Variants in CFAP251 observed in about 807,000 individuals in gnomAD.
CFAP251 encodes the protein cilia- and flagella-associated protein 251.
Under a neutral mutation model 126.7 loss-of-function variants are expected in CFAP251, and 93 were observed. The ratio of observed to expected loss-of-function variants is 0.73; its 90% CI spans 0.62 to 0.87. The LOEUF (loss-of-function observed/expected upper bound fraction) is 0.87. Among genes scored for constraint, CFAP251 ranks in the 40% least tolerant of loss-of-function variants. The pLI is 0.00. For synonymous variants in CFAP251, 503 were observed against 506.9 expected (o/e 0.99, Z 0.10); for missense variants, 1,287 against 1,389.2 (o/e 0.93, Z 1.17).
chr12:121,955,599 A>C (rs897223401), intron 10 of CFAP251: 1 of 152,136 alleles, frequency 6.6e-6, no homozygotes, highest in South Asian at 2.1e-4. Context: ...GTGTGGAGAA[A>C]ATTGCCTAGT....
intron 5 of CFAP251, among the ~76,000 whole-genome samples, chr12:121,935,448 G>A (rs1354230856): frequency 6.6e-6 from 1 of 152,202 alleles, no homozygotes; most frequent in East Asian, 1.9e-4. Flanking sequence ...ATTATTAACA[G>A]ACATCCAGGA....
chr12:121,937,716 G>T (rs2135758356), intron 5 of CFAP251, among the ~76,000 whole-genome samples: 1 of 152,210 alleles, frequency 6.6e-6, no homozygotes, highest in East Asian at 1.9e-4. Flanking sequence ...TTCTAGAGTG[G>T]GGGACACAGG....
At chr12:121,967,413 T>C (rs1292572944) in intron 16 of CFAP251, among the ~76,000 whole-genome samples, 1 of 152,214 alleles carries the variant, frequency 6.6e-6, no homozygotes, top group Non-Finnish European at 1.5e-5. Flanking sequence ...TTGAAAAGTG[T>C]AAAGTCGGGC....
At chr12:121,942,017 A>T (rs1216125395) in intron 5 of CFAP251, among the ~76,000 whole-genome samples, 3 of 152,146 alleles carry the variant, frequency 2.0e-5, no homozygotes, top group Non-Finnish European at 4.4e-5. Flanking sequence ...CCTGGTACCT[A>T]GTGAATGAGA....
chr12:121,987,956 C>T (rs1044529079), intron 19 of CFAP251, among the ~76,000 whole-genome samples: 3 of 151,870 alleles, frequency 2.0e-5, no homozygotes, highest in African/African-American at 7.3e-5. Context: ...TGCTGCAGGA[C>T]GGGGAATTTC....
At chr12:121,956,210 A>C (rs1342107856) in intron 10 of CFAP251, among the ~76,000 whole-genome samples, 2 of 152,188 alleles carry the variant, frequency 1.3e-5, no homozygotes, top group Admixed American at 1.3e-4. Flanking sequence ...GCCTTCCTGT[A>C]AAGTGGCTAG....
At chr12:121,944,726 T>C (rs1257413774) in intron 7 of CFAP251, among the ~76,000 whole-genome samples, 1 of 152,216 alleles carries the variant, frequency 6.6e-6, no homozygotes, top group Non-Finnish European at 1.5e-5. Context: ...TGTGTGTTGA[T>C]TTTGTACCTT....
rs536885023 is a variant in CFAP251 at position 121,963,512 on chromosome 12, G to A, written c.2492+1350G>A. ...GCACGAGACGGGGAGGACACCAGCCGGGGAGCAGGGCGTCCGCTGCTGGGG... is the reference window on the plus strand; with the variant it reads ...GCACGAGACGGGGAGGACACCAGCCAGGGAGCAGGGCGTCCGCTGCTGGGG... On this transcript the variant is annotated intron_variant, in intron 15 of 21. Coordinates refer to ENST00000288912, the MANE Select transcript of CFAP251 (RefSeq NM_144668.6). 4.6e-5 allele frequency among the ~76,000 whole-genome samples: 7 copies of A among 151,394 alleles called. No homozygotes were observed. In the East Asian group the frequency reaches 5.9e-4, roughly 13 times the overall value.
Position 122,003,641 on chromosome 12 carries a change from G to T in CFAP251, c.3338-11G>T. ...TGAAGGCATTTGGTGTTCTTTTCTT[G>T]TTTTGGCTAGGTTCAGAAATTTGCC... is the stretch of plus-strand genomic sequence containing the variant. On this transcript the variant is annotated splice_polypyrimidine_tract_variant and intron_variant, in intron 21 of 21. Coordinates refer to ENST00000288912, the MANE Select transcript of CFAP251 (RefSeq NM_144668.6). 1.9e-6 allele frequency: 3 copies of T among 1,601,492 alleles called. No individual in the cohort carries two copies. The highest frequency in any genetic ancestry group is 2.6e-6 in the Non-Finnish European group (3 of 1,173,018).
At chr12:121,975,713 A>T (rs1444285613) in intron 19 of CFAP251, 28 bp downstream of exon 19, 1 of 1,542,422 alleles carries the variant, frequency 6.5e-7, no homozygotes, top group African/African-American at 1.4e-5. Context: ...AAGAGCAGCA[A>T]CGGGATGTGC....
At chr12:121,961,176 G>A (rs1363997910) in intron 14 of CFAP251, among the ~76,000 whole-genome samples, 3 of 152,098 alleles carry the variant, frequency 2.0e-5, no homozygotes, top group Admixed American at 6.6e-5. Flanking sequence ...ATGGGCAAAC[G>A]CAATATTACA....
intron 13 of CFAP251, chr12:121,959,769 G>C (rs566875129): frequency 6.6e-6 from 1 of 152,162 alleles, no homozygotes; most frequent in African/African-American, 2.4e-5. Context: ...ATAGTTTCAC[G>C]TTCATACTTT....
At chr12:121,975,831 C>T in intron 19 of CFAP251, 146 bp downstream of exon 19, 2 of 820,712 alleles carry the variant, frequency 2.4e-6, no homozygotes, top group East Asian at 2.8e-5. Context: ...ATTTCAGATG[C>T]ACTCCTGAGT....
intron 19 of CFAP251, among the ~76,000 whole-genome samples, chr12:121,977,827 T>C (rs188335715): frequency 0.025 from 3,557 of 144,226 alleles, 48 homozygotes; most frequent in Middle Eastern, 0.059. Flanking sequence ...GGCGTGGTGG[T>C]GGGCGCCTGT....
In CFAP251 at chr12:121,982,597, CA is replaced by C. The variant is rs577624902; in HGVS notation, c.3006+6915del. On this transcript the variant is annotated intron_variant, in intron 19 of 21. Transcript: ENST00000288912. Reference sequence around the variant, plus strand: ...TTCTCCATGTTGGTCAGGCTGGTCTCAAACTCCCGACTTCATGTGATCCACT... The same window carrying C: ...TTCTCCATGTTGGTCAGGCTGGTCTCAACTCCCGACTTCATGTGATCCACT... Among the ~76,000 whole-genome samples, 56 of 152,216 alleles carry C rather than the reference CA, an allele frequency of 3.7e-4. 1 individual carries two copies. The highest frequency in any genetic ancestry group is 2.9e-3 in the South Asian group (14 of 4,820).
intron 9 of CFAP251, among the ~76,000 whole-genome samples, chr12:121,951,778 G>A (rs1881535740): frequency 6.6e-6 from 1 of 152,062 alleles, no homozygotes; most frequent in South Asian, 2.1e-4. Context: ...GCGTGCAGTG[G>A]CGTGATCTTG....
rs150551939 is a variant in CFAP251 at position 121,931,799 on chromosome 12, A to G, written c.801A>G (p.Arg267=). 2 of 1,604,376 alleles carry G rather than the reference A, an allele frequency of 1.2e-6. No individual in the cohort carries two copies. Among genetic ancestry groups the G allele is most frequent in the African/African-American group, 2.7e-5 (2 of 74,468 alleles). The change falls in exon 4 of 22, where the codon CGA becomes CGG. Residue 267 remains arginine, a synonymous_variant. Coordinates refer to ENST00000288912, the MANE Select transcript of CFAP251 (RefSeq NM_144668.6). ...WNSSLPVYYI[R]EERQRVLLYV... ...GTTCTCTTCCTGTTTACTATATTCG[A>G]GAGGAAAGGCAGAGAGTTCTTCTGT... is the stretch of plus-strand genomic sequence containing the variant.
chr12:122,001,710 AT>A (rs1289398012), intron 21 of CFAP251, 112 bp downstream of exon 21: 1 of 793,352 alleles, frequency 1.3e-6, no homozygotes, highest in African/African-American at 1.7e-5. Context: ...AAGACTGCAC[AT>A]AACAAAGCAT....
chr12:121,989,628 G>A lies in CFAP251; in HGVS notation c.3007-10088G>A, dbSNP rs915979037. On this transcript the variant is annotated intron_variant, in intron 19 of 21. Coordinates refer to ENST00000288912, the MANE Select transcript of CFAP251 (RefSeq NM_144668.6). The surrounding 1 kb of genome is among the most constrained non-coding windows in gnomAD (Gnocchi z 4.2). ...AGATGCAGGGGGTGACCAGGGGAGG[G>A]TATGAGTGAAGATGATGAGTGGGAA... 1.3e-5 allele frequency among the ~76,000 whole-genome samples: 2 copies of A among 152,186 alleles called. No homozygotes were observed. The highest frequency in any genetic ancestry group is 2.4e-5 in the African/African-American group (1 of 41,458).
Sources: gnomAD v4.1 joint callset for allele counts (sites outside exome capture counted in the v4.1 genomes callset) on GRCh38, gnomAD v4.1.1 for gene constraint, Gnocchi (gnomAD v3.1) non-coding constraint, MANE v1.5 for transcripts, NCBI Gene and HGNC (gene_info 2026-07-23, HGNC 2026-07-21) for gene names.